The following RDX variants were observed in gnomAD, a reference collection of about 807,000 sequenced individuals.
RDX encodes deafness, autosomal recessive 24.
In RDX, 32 loss-of-function variants were observed where a neutral mutation model predicts 83.7. That is an observed-to-expected ratio of 0.38 (90% CI 0.29 to 0.51). The LOEUF is 0.51. Ranked by LOEUF, RDX falls within the 20% of genes least tolerant of loss-of-function variation. RDX has a pLI of 0.87. For missense variants in RDX, 600 were observed against 689.9 expected (o/e 0.87, Z 1.46); for synonymous variants, 229 against 222.7 (o/e 1.03, Z -0.25).
chr11:110,208,763 C>G (rs1863697941), intron 14 of RDX, among the ~76,000 whole-genome samples: 2 of 152,080 alleles, frequency 1.3e-5, no homozygotes, highest in South Asian at 4.2e-4. Context: ...TCAAGACCAC[C>G]CTGGCCAACA....
At chr11:110,282,434 C>A (rs1860800321) in intron 1 of RDX, among the ~76,000 whole-genome samples, 1 of 151,510 alleles carries the variant, frequency 6.6e-6, no homozygotes. Context: ...GAAAAGACTG[C>A]TAACTAATTT....
intron 3 of RDX, among the ~76,000 whole-genome samples, chr11:110,266,741 TTTTTG>T (rs887241123): frequency 5.7e-4 from 86 of 152,114 alleles, no homozygotes; most frequent in African/African-American, 2.0e-3. Context: ...TTAATGTTTT[TTTTTG>T]TTTTGTTTTG....
intron 10 of RDX, chr11:110,237,898 A>G: frequency 1.9e-6 from 1 of 535,254 alleles, no homozygotes; most frequent in South Asian, 1.7e-5. Context: ...CAGCCTCCCA[A>G]GTAGCTAGGA....
intron 15 of RDX, among the ~76,000 whole-genome samples, chr11:110,178,922 T>C (rs1862828555): frequency 6.6e-6 from 1 of 152,224 alleles, no homozygotes; most frequent in Admixed American, 6.5e-5. Context: ...GTACTCTACA[T>C]TGATCCCTGC....
intron 9 of RDX, among the ~76,000 whole-genome samples, chr11:110,251,653 T>C (rs1040405284): frequency 1.3e-5 from 2 of 152,182 alleles, no homozygotes; most frequent in Admixed American, 6.5e-5. Flanking sequence ...CTCTAAACTG[T>C]AAACTTGGGG....
chr11:110,214,593 AAT>A (rs1204721594), intron 14 of RDX, among the ~76,000 whole-genome samples: 1 of 74,406 alleles, frequency 1.3e-5, no homozygotes, highest in African/African-American at 5.3e-5. Context: ...AACCAACCCA[AAT>A]GTCCAACAAT....
At chr11:110,216,405 C>T (rs1049796437) in intron 14 of RDX, among the ~76,000 whole-genome samples, 2 of 151,350 alleles carry the variant, frequency 1.3e-5, no homozygotes, top group African/African-American at 2.4e-5. Context: ...CAGGGTCTTG[C>T]TCTGTTGCTC....
intron 1 of RDX, among the ~76,000 whole-genome samples, chr11:110,283,262 T>G (rs1226643325): frequency 6.6e-6 from 1 of 152,092 alleles, no homozygotes; most frequent in Non-Finnish European, 1.5e-5. Flanking sequence ...CAAGCGATTC[T>G]CCTGCCTCAG....
At chr11:110,273,198 G>A in intron 2 of RDX, 2 of 382,146 alleles carry the variant, frequency 5.2e-6, no homozygotes, top group South Asian at 1.9e-5. Context: ...GCACAACAGA[G>A]CAAGACCCTG....
chr11:110,183,900 G>C (rs922185709), intron 15 of RDX, among the ~76,000 whole-genome samples: 3 of 152,230 alleles, frequency 2.0e-5, no homozygotes, highest in African/African-American at 7.2e-5. Context: ...TGGCCACGCT[G>C]CTATCGATGC....
At chr11:110,184,609 A>G (rs1862950206) in intron 15 of RDX, among the ~76,000 whole-genome samples, 1 of 152,128 alleles carries the variant, frequency 6.6e-6, no homozygotes, top group Non-Finnish European at 1.5e-5. Context: ...TGGAGATGGG[A>G]AAGTCCTAGA....
chr11:110,261,826 T>C (rs1859818237), intron 5 of RDX, among the ~76,000 whole-genome samples: 1 of 152,084 alleles, frequency 6.6e-6, no homozygotes, highest in South Asian at 2.1e-4. Flanking sequence ...TTAAATAGAG[T>C]AGGTTAGAGC....
At chr11:110,270,123 C>CGTGT in intron 3 of RDX, among the ~76,000 whole-genome samples, 1 of 151,326 alleles carries the variant, frequency 6.6e-6, no homozygotes. Context: ...TGCATGTGTG[C>CGTGT]GTGTGTGTGT....
intron 1 of RDX, among the ~76,000 whole-genome samples, chr11:110,292,733 T>C (rs896518801): frequency 4.6e-5 from 7 of 152,104 alleles, no homozygotes; most frequent in Admixed American, 3.9e-4. Flanking sequence ...TCTCAATTAC[T>C]AATAGCTTTA....
chr11:110,277,289 T>C (rs933037429), intron 2 of RDX, among the ~76,000 whole-genome samples: 1 of 152,162 alleles, frequency 6.6e-6, no homozygotes, highest in Non-Finnish European at 1.5e-5. Flanking sequence ...ATATCTACAC[T>C]GGATTATTAC....
chr11:110,238,173 G>GT (rs1339207053), intron 10 of RDX, among the ~76,000 whole-genome samples: 3 of 152,116 alleles, frequency 2.0e-5, no homozygotes. Flanking sequence ...ATTGAAAACA[G>GT]TATTTACTGA....
chr11:110,249,546 C>T (rs762378152), intron 9 of RDX, among the ~76,000 whole-genome samples: 2 of 152,080 alleles, frequency 1.3e-5, no homozygotes, highest in African/African-American at 4.8e-5. Flanking sequence ...TAAAACATAA[C>T]GGGTCACCAC....
intron 1 of RDX, among the ~76,000 whole-genome samples, chr11:110,284,880 GTT>G (rs1227207255): frequency 2.0e-5 from 3 of 152,056 alleles, no homozygotes; most frequent in Non-Finnish European, 4.4e-5. Flanking sequence ...ACTTAACAGA[GTT>G]TTGTTAAGTT....
chr11:110,268,894 C>T lies in RDX; in HGVS notation c.96+3642G>A, dbSNP rs145646217. Among the ~76,000 whole-genome samples, 151 of 151,422 alleles carry T rather than the reference C, an allele frequency of 1.0e-3. 1 individual carries two copies. The East Asian group carries it at 0.028, about 28-fold the overall frequency. ...ACTATAACATAGGTATATTTATTTA[C>T]AAGTTACATACTATCATGCTAATAC... On this transcript the variant is annotated intron_variant, in intron 3 of 13. Coordinates refer to ENST00000645495, the MANE Select transcript of RDX (RefSeq NM_002906.4).
Sources: allele counts gnomAD v4.1 joint callset (sites outside exome capture counted in the v4.1 genomes callset), GRCh38; gene constraint gnomAD v4.1.1; transcripts MANE v1.5; gene names NCBI Gene and HGNC (gene_info 2026-07-23, HGNC 2026-07-21).